Variants in ANKRD46 observed in about 807,000 individuals in gnomAD.
ANKRD46 encodes the protein ankyrin repeat domain 46, also known as ankyrin repeat domain-containing protein 46.
A neutral mutation model predicts 19.8 loss-of-function variants in ANKRD46; 13 were observed. The ratio of observed to expected loss-of-function variants is 0.66; its 90% CI spans 0.43 to 1.04. The LOEUF (loss-of-function observed/expected upper bound fraction) is 1.04, where lower values mean the gene tolerates loss of function less well. Ranked by LOEUF, ANKRD46 falls within the 50% of genes least tolerant of loss-of-function variation. The pLI is 0.00. For missense variants in ANKRD46, 185 were observed against 274.8 expected, an observed-to-expected ratio of 0.67 and a Z score of 2.31; for synonymous variants, 91 against 106.9, an observed-to-expected ratio of 0.85 and a Z score of 0.92.
In ANKRD46 at chr8:100,529,552, C is replaced by A; in HGVS notation, c.282G>T (p.Leu94Phe). 1 of 1,612,560 alleles carries A rather than the reference C, an allele frequency of 6.2e-7. No individual in the cohort carries two copies. Among genetic ancestry groups the A allele is most frequent in the South Asian group, 1.1e-5 (1 of 91,006 alleles). The change falls in exon 3 of 5, where the codon TTG (leucine) becomes TTT (phenylalanine). Residue 94 changes from leucine to phenylalanine, a missense_variant. Leu to Phe is a conservative substitution (Grantham distance 22, BLOSUM62 0). Coordinates refer to ENST00000335659, the MANE Select transcript of ANKRD46 (RefSeq NM_001270377.2). This position sits in a 1 kb window ranked among gnomAD's most constrained non-coding sequence, Gnocchi z 5.8. The stretch of plus-strand genomic sequence containing the variant: ...TATCAATTTTGAGTCCATTGGAAAC[C>A]AAAAATTGGATAGTATCCACATGGC... ...LCGHVDTIQF[L>F]VSNGLKIDIC... is the part of the protein sequence containing the mutation.
chr8:100,532,187 T>G lies in ANKRD46; in HGVS notation c.-28+1022A>C, dbSNP rs1448350792. ...TATGATGACTTTTTAAAAATCTGGC[T>G]GGACACAGTGGCTCACACCTGTAAT... On this transcript the variant is annotated intron_variant, in intron 2 of 4. Coordinates refer to ENST00000335659, the MANE Select transcript of ANKRD46 (RefSeq NM_001270377.2). This position sits in a 1 kb window ranked among gnomAD's most constrained non-coding sequence, Gnocchi z 4.7. Among the ~76,000 whole-genome samples, 1 of 152,196 alleles carries G rather than the reference T, an allele frequency of 6.6e-6. No homozygotes were observed. Among genetic ancestry groups the G allele is most frequent in the Admixed American group, 6.5e-5 (1 of 15,278 alleles).
At position 100,529,006 on chromosome 8, in the gene ANKRD46, G is replaced by A. The variant is rs937055195; in HGVS notation, c.311+517C>T. Among the ~76,000 whole-genome samples the A allele has an allele frequency of 3.9e-5, 6 of 152,136 alleles. No individual in the cohort carries two copies. Among genetic ancestry groups the A allele is most frequent in the Non-Finnish European group, 8.8e-5 (6 of 68,010 alleles). On this transcript the variant is annotated intron_variant, in intron 3 of 4. Coordinates refer to ENST00000335659, the MANE Select transcript of ANKRD46 (RefSeq NM_001270377.2). The surrounding 1 kb of genome is among the most constrained non-coding windows in gnomAD (Gnocchi z 5.8). ...GGAGATTATGAAGCTCACATGGTGC[G>A]TTACATGACAGAAGGCACACAAGCG...
At chr8:100,516,300 T>C (rs1811629599), downstream of ANKRD46, among the ~76,000 whole-genome samples, 1 of 152,192 alleles carries the variant, frequency 6.6e-6, no homozygotes, top group Non-Finnish European at 1.5e-5. Flanking sequence ...AAATCCTTTT[T>C]TGGAACACAG....
At chr8:100,554,309 A>G (rs1369847175) in intron 1 of ANKRD46, among the ~76,000 whole-genome samples, 1 of 131,742 alleles carries the variant, frequency 7.6e-6, no homozygotes, top group East Asian at 2.0e-4. Context: ...AGAAAAACTG[A>G]ACAGCACTAA....
chr8:100,555,810 A>T (rs1812488495), intron 1 of ANKRD46, among the ~76,000 whole-genome samples: 1 of 144,136 alleles, frequency 6.9e-6, no homozygotes, highest in African/African-American at 2.5e-5. Flanking sequence ...AAATTATTGG[A>T]TTTAAAAAAT....
At position 100,524,426 on chromosome 8, in the gene ANKRD46, G is replaced by C. The variant is rs1379518972; in HGVS notation, c.471-1655C>G. On this transcript the variant is annotated intron_variant, in intron 4 of 4. Coordinates refer to ENST00000335659, the MANE Select transcript of ANKRD46 (RefSeq NM_001270377.2). This position sits in a 1 kb window ranked among gnomAD's most constrained non-coding sequence, Gnocchi z 4.3. ...GATACCATCAAACAAAAGTCCTTCA[G>C]CCTTTACCAACATTAGAGGTCTTCT... 6.6e-6 allele frequency among the ~76,000 whole-genome samples: 1 copy of C among 151,726 alleles called. No homozygotes were observed. The highest frequency in any genetic ancestry group is 1.5e-5 in the Non-Finnish European group (1 of 67,982).
In ANKRD46 at chr8:100,525,919, A is replaced by T. The variant is rs1035979348; in HGVS notation, c.470+1926T>A. On this transcript the variant is annotated intron_variant, in intron 4 of 4. Coordinates refer to ENST00000335659, the MANE Select transcript of ANKRD46 (RefSeq NM_001270377.2). This position sits in a 1 kb window ranked among gnomAD's most constrained non-coding sequence, Gnocchi z 4.4. ...GCACTTGTTATTATCTATCTTTTTA[A>T]TTGCAGCTATCCTAGTGGGTGTGAA... 6.6e-6 allele frequency among the ~76,000 whole-genome samples: 1 copy of T among 152,076 alleles called. No homozygotes were observed. Among genetic ancestry groups the T allele is most frequent in the African/African-American group, 2.4e-5 (1 of 41,394 alleles).
rs1811736123 is a variant in ANKRD46, at chr8:100,522,143, T to C, written c.*412A>G. On this transcript the variant is annotated 3_prime_UTR_variant, in exon 5 of 5. Coordinates refer to ENST00000335659, the MANE Select transcript of ANKRD46 (RefSeq NM_001270377.2). ...AAAAAGTGGCTCTTGCAAAAATAAA[T>C]GAAAACAAAACCACCAACAAAAACT... is the stretch of plus-strand genomic sequence containing the variant. The C allele has an allele frequency of 1.0e-6, 1 of 990,778 alleles. No homozygotes were observed. The highest frequency in any genetic ancestry group is 4.6e-5 in the South Asian group (1 of 21,786). The allele number at this position is 990,778 out of a possible 1,614,324, so 61.4% of individuals were successfully genotyped here. A position where few individuals can be genotyped will look rare whatever the true frequency, so the allele number is the denominator to read the frequency against.
In ANKRD46 at chr8:100,522,392, C is replaced by T; in HGVS notation, c.*163G>A. On this transcript the variant is annotated 3_prime_UTR_variant, in exon 5 of 5. Coordinates refer to ENST00000335659, the MANE Select transcript of ANKRD46 (RefSeq NM_001270377.2). ...ACTTGATCATAGTATGTAGTTAGTT[C>T]AAATGAACACATCATTATCTAAAAG... 7.0e-7 allele frequency: 1 copy of T among 1,434,352 alleles called. No homozygotes were observed. The highest frequency in any genetic ancestry group is 9.1e-7 in the Non-Finnish European group (1 of 1,100,066). 88.9% of individuals were successfully genotyped at this position (1,434,352 alleles called of 1,614,324 possible).
rs199719979 is a variant in ANKRD46 at position 100,522,584 on chromosome 8, C to T, written c.658G>A (p.Val220Met). 8.6e-5 allele frequency: 139 copies of T among 1,613,938 alleles called. No homozygotes were observed. The highest frequency in any genetic ancestry group is 1.1e-4 in the Non-Finnish European group (130 of 1,180,008). Residue 220 changes from valine (V) to methionine (M), a missense_variant, in exon 5 of 5, where the codon GTG becomes ATG. Transcript: ENST00000335659. ...AYYVSGVLPF[V>M]ENQPELVH ...TGCACCAGTTCAGGCTGGTTTTCCACGAAGGGTAGCACCCCACTCACATAA... is the reference window on the plus strand; with the variant it reads ...TGCACCAGTTCAGGCTGGTTTTCCATGAAGGGTAGCACCCCACTCACATAA...
At chr8:100,558,727 G>C (rs949769847) in intron 1 of ANKRD46, among the ~76,000 whole-genome samples, 1 of 152,064 alleles carries the variant, frequency 6.6e-6, no homozygotes, top group Non-Finnish European at 1.5e-5. Flanking sequence ...CTGAAGTAAG[G>C]GAGATGAGAC....
At chr8:100,548,851 T>A (rs1457616361) in intron 1 of ANKRD46, among the ~76,000 whole-genome samples, 1 of 152,242 alleles carries the variant, frequency 6.6e-6, no homozygotes, top group Non-Finnish European at 1.5e-5. Context: ...ATCACGTTCA[T>A]ATGACTACTT....
In ANKRD46 at chr8:100,527,714, A is replaced by G. The variant is rs1403189318; in HGVS notation, c.470+131T>C. 1.1e-5 allele frequency: 10 copies of G among 891,438 alleles called. No individual in the cohort carries two copies. In the East Asian group the frequency reaches 2.2e-4, roughly 19 times the overall value. 55.2% of individuals were successfully genotyped at this position (891,438 alleles called of 1,614,324 possible). On this transcript the variant is annotated intron_variant, in intron 4 of 4. Transcript: ENST00000335659. The surrounding 1 kb of genome is among the most constrained non-coding windows in gnomAD (Gnocchi z 4.0). ...GACTTTCCCCTTAAAAAATCGTATT[A>G]TCTTGCTGGGTGTGGCTACATGTGC...
Position 100,522,644 on chromosome 8 carries a change from A to C in ANKRD46, c.598T>G (p.Phe200Val). Residue 200 changes from phenylalanine to valine, a missense_variant, in exon 5 of 5, where the codon TTC (phenylalanine) becomes GTC (valine). Phe to Val is a conservative substitution (Grantham distance 50). Transcript: ENST00000335659. ...LGFWRVLLLI[F>V]VIALLSLGIA... Reference sequence around the variant, plus strand: ...CCAAGAGACAGCAAAGCAATGACGAAGATCAACAGCAATACTCTCCAGAAG... The same window carrying C: ...CCAAGAGACAGCAAAGCAATGACGACGATCAACAGCAATACTCTCCAGAAG... The C allele has an allele frequency of 6.2e-7, 1 of 1,614,146 alleles. No homozygotes were observed. Among genetic ancestry groups the C allele is most frequent in the South Asian group, 1.1e-5 (1 of 91,080 alleles).
At chr8:100,553,313 G>A (rs1812430908) in intron 1 of ANKRD46, among the ~76,000 whole-genome samples, 1 of 152,234 alleles carries the variant, frequency 6.6e-6, no homozygotes, top group Non-Finnish European at 1.5e-5. Context: ...AGAGGGCAGA[G>A]GGGCAGATTT....
chr8:100,527,546 G>A lies in ANKRD46; in HGVS notation c.470+299C>T, dbSNP rs955772104. Among the ~76,000 whole-genome samples, 1 of 152,084 alleles carries A rather than the reference G, an allele frequency of 6.6e-6. No homozygotes were observed. Among genetic ancestry groups the A allele is most frequent in the African/African-American group, 2.4e-5 (1 of 41,418 alleles). ...GCAGGTGGCTAACAGAACATTATGC[G>A]CACATGACATGTAGTACTTTCTGTT... On this transcript the variant is annotated intron_variant, in intron 4 of 4. Coordinates refer to ENST00000335659, the MANE Select transcript of ANKRD46 (RefSeq NM_001270377.2). The surrounding 1 kb of genome is among the most constrained non-coding windows in gnomAD (Gnocchi z 4.0).
rs1301532210 is a variant in ANKRD46 at position 100,529,934 on chromosome 8, A to G, written c.-27-74T>C. On this transcript the variant is annotated intron_variant, in intron 2 of 4. Coordinates refer to ENST00000335659, the MANE Select transcript of ANKRD46 (RefSeq NM_001270377.2). This position sits in a 1 kb window ranked among gnomAD's most constrained non-coding sequence, Gnocchi z 5.8. ...GACAAAGGAGTCATTTAGAAAAGCA[A>G]TATTTCTCATCCTTTTTGGCCTCCT... 16 of 1,226,206 alleles carry G rather than the reference A, an allele frequency of 1.3e-5. No individual in the cohort carries two copies. The highest frequency in any genetic ancestry group is 2.7e-5 in the Admixed American group (1 of 37,698). The allele number at this position is 1,226,206 out of a possible 1,614,324, so 76.0% of individuals were successfully genotyped here. A position where few individuals can be genotyped will look rare whatever the true frequency, so the allele number is the denominator to read the frequency against.
rs182678842 is a variant in ANKRD46, at chr8:100,550,785, G to A, written c.-131+8926C>T. 7.2e-5 allele frequency: 33 copies of A among 458,870 alleles called. No individual in the cohort carries two copies. Among genetic ancestry groups the A allele is most frequent in the Non-Finnish European group, 9.8e-5 (23 of 235,670 alleles). 28.4% of individuals were successfully genotyped at this position (458,870 alleles called of 1,614,324 possible). On this transcript the variant is annotated intron_variant, in intron 1 of 4. Coordinates refer to ENST00000335659, the MANE Select transcript of ANKRD46 (RefSeq NM_001270377.2). This position sits in a 1 kb window ranked among gnomAD's most constrained non-coding sequence, Gnocchi z 4.4. ...GCTGTAGCCAAATTCACTGTTGTACGAGGAAATGAGCTTGACAAAGTGGTC... is the reference window on the plus strand; with the variant it reads ...GCTGTAGCCAAATTCACTGTTGTACAAGGAAATGAGCTTGACAAAGTGGTC...
chr8:100,535,069 C>A (rs62515187), intron 1 of ANKRD46, among the ~76,000 whole-genome samples: 1 of 152,150 alleles, frequency 6.6e-6, no homozygotes, highest in East Asian at 1.9e-4. Flanking sequence ...AACCAGCCTG[C>A]CATTTTCTTT....
Sources: gnomAD v4.1 joint callset for allele counts (sites outside exome capture counted in the v4.1 genomes callset) on GRCh38, gnomAD v4.1.1 for gene constraint, Gnocchi (gnomAD v3.1) non-coding constraint, MANE v1.5 for transcripts, NCBI Gene and HGNC (gene_info 2026-07-23, HGNC 2026-07-21) for gene names.